Variants in SLC4A4 observed in about 807,000 individuals in gnomAD.
SLC4A4 encodes electrogenic sodium bicarbonate cotransporter 1.
Under a neutral mutation model 111.5 loss-of-function variants are expected in SLC4A4, and 27 were observed. The ratio of observed to expected loss-of-function variants is 0.24; its 90% CI spans 0.18 to 0.33. The LOEUF (loss-of-function observed/expected upper bound fraction) is 0.33, where lower values mean the gene tolerates loss of function less well. Ranked by LOEUF, SLC4A4 falls within the 10% of genes least tolerant of loss-of-function variation. SLC4A4 has a pLI of 1.00. For synonymous variants in SLC4A4, 443 were observed against 463.4 expected (o/e 0.96, Z 0.57); for missense variants, 909 against 1,315.5 (o/e 0.69, Z 4.78).
At chr4:71,095,734 T>C (rs1317938553) in intron 2 of SLC4A4, among the ~76,000 whole-genome samples, 1 of 152,070 alleles carries the variant, frequency 6.6e-6, no homozygotes, top group Non-Finnish European at 1.5e-5. Flanking sequence ...TGGCCTAGTA[T>C]GGAAAATGAA....
chr4:71,451,394 A>T, intron 11 of SLC4A4, 93 bp downstream of exon 11: 2 of 850,942 alleles, frequency 2.4e-6, no homozygotes, highest in South Asian at 2.8e-5. Flanking sequence ...TAGTTTGTTC[A>T]TCTGTTCAGC....
intron 2 of SLC4A4, among the ~76,000 whole-genome samples, chr4:71,108,744 T>C (rs1010941423): frequency 1.3e-5 from 2 of 152,266 alleles, no homozygotes; most frequent in East Asian, 3.9e-4. Context: ...CCTTTCTCTC[T>C]CTCTCTTCTC....
intron 2 of SLC4A4, among the ~76,000 whole-genome samples, chr4:71,178,859 C>T (rs968639628): frequency 4.6e-5 from 7 of 152,160 alleles, no homozygotes; most frequent in Admixed American, 1.3e-4. Flanking sequence ...TTTTATGAGG[C>T]CAGCAGCATC....
At chr4:71,401,847 C>T (rs1404448209) in intron 7 of SLC4A4, among the ~76,000 whole-genome samples, 2 of 152,142 alleles carry the variant, frequency 1.3e-5, no homozygotes, top group Non-Finnish European at 2.9e-5. Context: ...CTGTAGATTG[C>T]AGTGGATGCA....
At chr4:71,199,362 T>C (rs1746147671) in intron 1 of SLC4A4, among the ~76,000 whole-genome samples, 1 of 152,218 alleles carries the variant, frequency 6.6e-6, no homozygotes. Context: ...TAACATGAAA[T>C]TGGATGTTAT....
rs539913558 is a variant in SLC4A4, at chr4:71,363,482, G to T, written c.730+6295G>T. ...TTGCCCATTTGTCTCAGGCTGGGTT[G>T]TTCTGCTTTCCAGGCCATCCCCCCA... On this transcript the variant is annotated intron_variant, in intron 6 of 25. Transcript: ENST00000264485. Among the ~76,000 whole-genome samples the T allele has an allele frequency of 2.0e-5, 3 of 152,258 alleles. No individual in the cohort carries two copies. The South Asian group carries it at 6.2e-4, about 32-fold the overall frequency.
intron 7 of SLC4A4, among the ~76,000 whole-genome samples, chr4:71,436,824 CT>C (rs998788821): frequency 1.3e-4 from 19 of 148,934 alleles, no homozygotes; most frequent in East Asian, 5.9e-4. Flanking sequence ...TCAAATGCAC[CT>C]TTTTTTTTTC....
chr4:71,252,992 A>T (rs950420992), intron 2 of SLC4A4, among the ~76,000 whole-genome samples: 9 of 152,196 alleles, frequency 5.9e-5, no homozygotes, highest in African/African-American at 2.2e-4. Flanking sequence ...GCACCATAGC[A>T]CTTCACAGTG....
chr4:71,252,702 AAG>A (rs1226476690), intron 2 of SLC4A4, among the ~76,000 whole-genome samples: 1 of 152,192 alleles, frequency 6.6e-6, no homozygotes, highest in Non-Finnish European at 1.5e-5. Flanking sequence ...GGCCATCACT[AAG>A]AGTTTTAAAA....
At chr4:71,241,013 G>T (rs1485434846) in intron 2 of SLC4A4, among the ~76,000 whole-genome samples, 1 of 152,046 alleles carries the variant, frequency 6.6e-6, no homozygotes, top group Non-Finnish European at 1.5e-5. Flanking sequence ...CAGCTACTCA[G>T]GAGGTTGAGG....
chr4:71,121,303 G>A (rs1403959861), intron 2 of SLC4A4, among the ~76,000 whole-genome samples: 7 of 151,838 alleles, frequency 4.6e-5, no homozygotes, highest in African/African-American at 1.2e-4. Flanking sequence ...CGGTCTCATC[G>A]ACTGCCCAAG....
In SLC4A4 at chr4:71,541,372, G is replaced by T. The variant is rs191365592; in HGVS notation, c.2443-4978G>T. On this transcript the variant is annotated intron_variant, in intron 18 of 25. Coordinates refer to ENST00000264485, the MANE Select transcript of SLC4A4 (RefSeq NM_001098484.3). ...AGGGCTGAGGGTTGGTTGCTGGATG[G>T]TGTGAAGGAAGAAGGGGAATTTGCA... Among the ~76,000 whole-genome samples the T allele has an allele frequency of 3.2e-3, 484 of 152,228 alleles. 4 individuals are homozygous for T. Among genetic ancestry groups the T allele is most frequent in the African/African-American group, 0.011 (448 of 41,544 alleles).
intron 7 of SLC4A4, among the ~76,000 whole-genome samples, chr4:71,429,938 A>AT (rs1723488847): frequency 6.6e-6 from 1 of 151,754 alleles, no homozygotes; most frequent in South Asian, 2.1e-4. Context: ...TAATCTTTAC[A>AT]TTTTTTCTAG....
intron 6 of SLC4A4, among the ~76,000 whole-genome samples, chr4:71,384,749 G>A (rs1413048762): frequency 2.0e-5 from 3 of 150,688 alleles, no homozygotes; most frequent in Non-Finnish European, 4.4e-5. Context: ...ATTTTAAGTA[G>A]TAAACCTATG....
In SLC4A4 at chr4:71,472,982, A is replaced by G; in HGVS notation, c.1903+12A>G. On this transcript the variant is annotated intron_variant, in intron 14 of 25. Coordinates refer to ENST00000264485, the MANE Select transcript of SLC4A4 (RefSeq NM_001098484.3). ...GCCACCTGACCCAGGTGAGGGCATTACGCTTTGTGTTTATGCTCGCTTTGT... is the reference window on the plus strand; with the variant it reads ...GCCACCTGACCCAGGTGAGGGCATTGCGCTTTGTGTTTATGCTCGCTTTGT... The G allele has an allele frequency of 3.1e-6, 5 of 1,612,840 alleles. No homozygotes were observed. Among genetic ancestry groups the G allele is most frequent in the Non-Finnish European group, 3.4e-6 (4 of 1,179,296 alleles).
chr4:71,302,000 T>C (rs577552734), intron 3 of SLC4A4, among the ~76,000 whole-genome samples: 16 of 152,348 alleles, frequency 1.1e-4, no homozygotes, highest in African/African-American at 3.8e-4. Context: ...TATTTGATGT[T>C]TGGTGCACTG....
At chr4:71,421,295 A>G (rs181444223) in intron 7 of SLC4A4, among the ~76,000 whole-genome samples, 16 of 152,346 alleles carry the variant, frequency 1.1e-4, no homozygotes, top group African/African-American at 3.6e-4. Flanking sequence ...ACTATCCTAA[A>G]TATATATGCA....
chr4:71,469,957 T>G (rs923751631), intron 13 of SLC4A4, among the ~76,000 whole-genome samples: 10 of 152,054 alleles, frequency 6.6e-5, no homozygotes, highest in Non-Finnish European at 4.4e-5. Flanking sequence ...TTTCTCATCC[T>G]ATCCTGTAAA....
intron 3 of SLC4A4, among the ~76,000 whole-genome samples, chr4:71,337,987 G>A (rs762707708): frequency 2.0e-5 from 3 of 151,696 alleles, no homozygotes; most frequent in African/African-American, 4.8e-5. Flanking sequence ...ACGCCACCAC[G>A]CCTGGCTAAT....
Sources: gnomAD v4.1 joint callset for allele counts (sites outside exome capture counted in the v4.1 genomes callset) on GRCh38, gnomAD v4.1.1 for gene constraint, MANE v1.5 for transcripts, NCBI Gene and HGNC (gene_info 2026-07-23, HGNC 2026-07-21) for gene names.